The following C6orf52 variants were observed in gnomAD, a reference collection of about 807,000 sequenced individuals.
C6orf52 encodes putative uncharacterized protein C6orf52.
C6orf52 carries 16 observed loss-of-function variants against 16.6 expected under a neutral mutation model. The ratio of observed to expected loss-of-function variants is 0.96; its 90% CI spans 0.65 to 1.46. The LOEUF (loss-of-function observed/expected upper bound fraction) is 1.46. Ranked by LOEUF, C6orf52 falls within the 40% of genes most tolerant of loss-of-function variation. The pLI is 0.00. For synonymous variants in C6orf52, 53 were observed against 61.4 expected (o/e 0.86, Z 0.64); for missense variants, 166 against 182.3 (o/e 0.91, Z 0.52).
upstream of C6orf52, chr6:10,694,720 G>A (rs1382468701): frequency 2.7e-6 from 1 of 375,904 alleles, no homozygotes; most frequent in Non-Finnish European, 4.9e-6. Flanking sequence ...AGATATGCCT[G>A]CTTGCCCCCG....
chr6:10,676,167 T>C (rs1186180985), intron 4 of C6orf52, among the ~76,000 whole-genome samples: 2 of 152,108 alleles, frequency 1.3e-5, no homozygotes, highest in East Asian at 3.8e-4. Flanking sequence ...AACTTATCCC[T>C]GTAACCAAAA....
intron 4 of C6orf52, among the ~76,000 whole-genome samples, chr6:10,671,869 G>A (rs1767451526): frequency 6.6e-6 from 1 of 152,146 alleles, no homozygotes; most frequent in Non-Finnish European, 1.5e-5. Flanking sequence ...CTTGGGGGAT[G>A]GATTCAATTT....
chr6:10,688,348 A>C (rs999533156), intron 1 of C6orf52, among the ~76,000 whole-genome samples: 4 of 152,240 alleles, frequency 2.6e-5, no homozygotes, highest in African/African-American at 9.6e-5. Flanking sequence ...CGCCACTTGA[A>C]GTAGCAAGGT....
chr6:10,679,587 AC>A lies in C6orf52; in HGVS notation c.316+3599del, dbSNP rs1464171705. On this transcript the variant is annotated intron_variant, in intron 4 of 4. Coordinates refer to ENST00000259983, the MANE Select transcript of C6orf52 (RefSeq NM_001145020.3). The stretch of plus-strand genomic sequence containing the variant: ...ACTTGTTAAAAAAAAAAAACAAAAA[AC>A]AAAAACCATAGTCTCTGTGGAACAT... Among the ~76,000 whole-genome samples, 1,105 of 133,076 alleles carry A rather than the reference AC, an allele frequency of 8.3e-3. 27 individuals are homozygous for A. The highest frequency in any genetic ancestry group is 0.043 in the African/African-American group (1,029 of 24,112). 87.3% of individuals were successfully genotyped at this position (133,076 alleles called of 152,430 possible).
rs1401151366 is a variant in C6orf52, at chr6:10,691,461, A to G, written c.-12+3033T>C. ...TAGAACGGAACAGAACAGGACAGGG[A>G]TTTTCACAGTGCTTTTCTATACAAT... On this transcript the variant is annotated intron_variant, in intron 1 of 4. Transcript: ENST00000259983. Among the ~76,000 whole-genome samples the G allele has an allele frequency of 2.0e-5, 3 of 152,100 alleles. No homozygotes were observed. In the East Asian group the frequency reaches 5.8e-4, roughly 29 times the overall value.
chr6:10,681,152 C>G (rs1347261338), intron 4 of C6orf52, among the ~76,000 whole-genome samples: 1 of 152,080 alleles, frequency 6.6e-6, no homozygotes, highest in African/African-American at 2.4e-5. Flanking sequence ...TTGGTCTGTT[C>G]AGGTTTTCTA....
chr6:10,686,920 T>G, intron 3 of C6orf52, 46 bp downstream of exon 3: 1 of 1,353,244 alleles, frequency 7.4e-7, no homozygotes, highest in Non-Finnish European at 1.0e-6. Flanking sequence ...ATGTTTACTA[T>G]TATTGGGCAC....
chr6:10,681,488 GTTC>G (rs1768388825), intron 4 of C6orf52, among the ~76,000 whole-genome samples: 1 of 151,720 alleles, frequency 6.6e-6, no homozygotes, highest in Admixed American at 6.6e-5. Flanking sequence ...CTTTGTTCTT[GTTC>G]TTCTAGCTCC....
At chr6:10,678,241 T>C (rs1288806774) in intron 4 of C6orf52, among the ~76,000 whole-genome samples, 2 of 151,528 alleles carry the variant, frequency 1.3e-5, no homozygotes, top group African/African-American at 4.8e-5. Context: ...GTAGATCACT[T>C]TGGGTAGTAT....
At position 10,672,585 on chromosome 6, in the gene C6orf52, T is replaced by C. The variant is rs146765215; in HGVS notation, c.317-987A>G. Reference sequence around the variant, plus strand: ...ACTTTGGGAAGCTGAGACCAGTGAATTGCTTAAATCTGGGAGTTTGAGATC... The same window carrying C: ...ACTTTGGGAAGCTGAGACCAGTGAACTGCTTAAATCTGGGAGTTTGAGATC... On this transcript the variant is annotated intron_variant, in intron 4 of 4. Coordinates refer to ENST00000259983, the MANE Select transcript of C6orf52 (RefSeq NM_001145020.3). 3.8e-3 allele frequency: 2,652 copies of C among 702,030 alleles called. 8 individuals are homozygous for C. The highest frequency in any genetic ancestry group is 5.4e-3 in the Non-Finnish European group (2,078 of 384,758). 43.5% of individuals were successfully genotyped at this position (702,030 alleles called of 1,614,324 possible).
At chr6:10,675,621 G>A (rs1218919096) in intron 4 of C6orf52, among the ~76,000 whole-genome samples, 3 of 152,146 alleles carry the variant, frequency 2.0e-5, no homozygotes, top group South Asian at 2.1e-4. Flanking sequence ...TATAACTGCT[G>A]TACCAATTTA....
At chr6:10,678,548 T>G (rs1768091189) in intron 4 of C6orf52, among the ~76,000 whole-genome samples, 1 of 152,248 alleles carries the variant, frequency 6.6e-6, no homozygotes, top group Non-Finnish European at 1.5e-5. Context: ...TCTACAGGCA[T>G]ACCTCAGAGA....
At chr6:10,675,599 C>T (rs919468766) in intron 4 of C6orf52, among the ~76,000 whole-genome samples, 4 of 152,136 alleles carry the variant, frequency 2.6e-5, no homozygotes, top group East Asian at 1.9e-4. Context: ...TTTGAGGAAA[C>T]GCCATACTTT....
chr6:10,694,614 G>GATC lies in C6orf52; in HGVS notation c.-133_-132insGAT. On this transcript the variant is annotated 5_prime_UTR_variant, in exon 1 of 5. Coordinates refer to ENST00000259983, the MANE Select transcript of C6orf52 (RefSeq NM_001145020.3). ...ACAGCCCCTAAGCAACCGGCCGGAA[G>GATC]TCGGCCCCACCTCCTCCTGATGTCA... 26 of 199,228 alleles carry GATC rather than the reference G, an allele frequency of 1.3e-4. No homozygotes were observed. The highest frequency in any genetic ancestry group is 4.4e-4 in the South Asian group (6 of 13,718). The allele number at this position is 199,228 out of a possible 1,614,324, so 12.3% of individuals were successfully genotyped here. A position where few individuals can be genotyped will look rare whatever the true frequency, so the allele number is the denominator to read the frequency against.
At chr6:10,682,764 A>C (rs1375021147) in intron 4 of C6orf52, among the ~76,000 whole-genome samples, 1 of 152,210 alleles carries the variant, frequency 6.6e-6, no homozygotes, top group Non-Finnish European at 1.5e-5. Context: ...ATTGAGAAGT[A>C]CAGGAAGCAC....
At chr6:10,685,631 C>T (rs1351557826) in intron 3 of C6orf52, among the ~76,000 whole-genome samples, 1 of 152,158 alleles carries the variant, frequency 6.6e-6, no homozygotes, top group African/African-American at 2.4e-5. Context: ...GTTAATTTCT[C>T]TAACATGTGA....
At chr6:10,686,439 C>A (rs1055338804) in intron 3 of C6orf52, among the ~76,000 whole-genome samples, 5 of 152,114 alleles carry the variant, frequency 3.3e-5, no homozygotes, top group African/African-American at 1.2e-4. Context: ...TGGGGGGGAA[C>A]TTTTCCCTTA....
rs1258752270 is a variant in C6orf52, at chr6:10,684,835, C to A, written c.271-1603G>T. 4 of 1,288,238 alleles carry A rather than the reference C, an allele frequency of 3.1e-6. No homozygotes were observed. The East Asian group carries it at 2.2e-4, about 71-fold the overall frequency. 79.8% of individuals were successfully genotyped at this position (1,288,238 alleles called of 1,614,324 possible). A position where few individuals can be genotyped will look rare whatever the true frequency, so the allele number is the denominator to read the frequency against. On this transcript the variant is annotated intron_variant, in intron 3 of 4. Coordinates refer to ENST00000259983, the MANE Select transcript of C6orf52 (RefSeq NM_001145020.3). The stretch of plus-strand genomic sequence containing the variant: ...GGGATGTGGGAGTAAAAGAGCGCCA[C>A]CACAGAGGCTTACCATCTTTAATTT...
intron 4 of C6orf52, among the ~76,000 whole-genome samples, chr6:10,676,129 CA>C (rs1231195302): frequency 2.0e-5 from 3 of 151,466 alleles, no homozygotes; most frequent in Non-Finnish European, 4.4e-5. Context: ...GACTCACTCT[CA>C]AAAAAACAAA....
Sources: allele counts gnomAD v4.1 joint callset (sites outside exome capture counted in the v4.1 genomes callset), GRCh38; gene constraint gnomAD v4.1.1; transcripts MANE v1.5; gene names NCBI Gene and HGNC (gene_info 2026-07-23, HGNC 2026-07-21).